DSE: variants seen among roughly 807,000 people sequenced by gnomAD.
The protein encoded by DSE is dermatan sulfate epimerase, also known as dermatan-sulfate epimerase.
Under a neutral mutation model 84.4 loss-of-function variants are expected in DSE, and 36 were observed. The ratio of observed to expected loss-of-function variants is 0.43; its 90% CI spans 0.33 to 0.56. The LOEUF is 0.56. DSE is among the 20% of genes least tolerant of loss of function. DSE has a pLI of 0.06. For missense variants in DSE, 862 were observed against 1,169.6 expected (o/e 0.74, Z 3.84); for synonymous variants, 410 against 430.1 (o/e 0.95, Z 0.58).
intron 2 of DSE, among the ~76,000 whole-genome samples, chr6:116,260,751 A>G (rs1173936338): frequency 2.0e-5 from 3 of 152,078 alleles, no homozygotes; most frequent in Non-Finnish European, 2.9e-5. Flanking sequence ...TCCTTTCCTC[A>G]TTGTTTGTTT....
At chr6:116,340,953 G>GT (rs1777554780) in intron 2 of DSE, among the ~76,000 whole-genome samples, 1 of 152,166 alleles carries the variant, frequency 6.6e-6, no homozygotes, top group Admixed American at 6.5e-5. Context: ...AAACATATGT[G>GT]TGCACGTGTC....
chr6:116,284,854 C>G (rs1441197167), intron 2 of DSE, among the ~76,000 whole-genome samples: 1 of 152,022 alleles, frequency 6.6e-6, no homozygotes, highest in Non-Finnish European at 1.5e-5. Flanking sequence ...TGACCTCATC[C>G]TTTTTTATGG....
intron 2 of DSE, among the ~76,000 whole-genome samples, chr6:116,262,092 G>A (rs938509423): frequency 1.3e-5 from 2 of 152,164 alleles, no homozygotes; most frequent in Non-Finnish European, 2.9e-5. Context: ...TTTGGCATCA[G>A]GATGATGTTG....
At chr6:116,413,390 T>C (rs1484043526) in intron 2 of DSE, among the ~76,000 whole-genome samples, 2 of 152,222 alleles carry the variant, frequency 1.3e-5, no homozygotes, top group East Asian at 3.8e-4. Flanking sequence ...CTACCCAATA[T>C]CCTTTCTTGG....
Position 116,431,332 on chromosome 6 carries a change from A to G in DSE, c.910+139A>G, listed in dbSNP as rs142921508. 120 of 1,249,128 alleles carry G rather than the reference A, an allele frequency of 9.6e-5. No homozygotes were observed. The East Asian group carries it at 3.1e-3, about 32-fold the overall frequency. 77.4% of individuals were successfully genotyped at this position (1,249,128 alleles called of 1,614,324 possible). A position where few individuals can be genotyped will look rare whatever the true frequency, so the allele number is the denominator to read the frequency against. On this transcript the variant is annotated intron_variant, in intron 4 of 5. Transcript: ENST00000644252. ...ATTAAATAGATTTTTTTAATCAAAG[A>G]AAAATTGAATTCAAGAGTTGCATAT...
intron 2 of DSE, among the ~76,000 whole-genome samples, chr6:116,343,022 C>T (rs1265565974): frequency 6.6e-6 from 1 of 152,128 alleles, no homozygotes; most frequent in African/African-American, 2.4e-5. Context: ...CCGAGGGTCC[C>T]ACGCCCACGG....
chr6:116,411,448 G>A (rs896682064), intron 2 of DSE, among the ~76,000 whole-genome samples: 1 of 152,216 alleles, frequency 6.6e-6, no homozygotes, highest in African/African-American at 2.4e-5. Context: ...ACTCTGGGAG[G>A]AGGGCATCAG....
intron 2 of DSE, among the ~76,000 whole-genome samples, chr6:116,295,307 G>A (rs186835235): frequency 8.5e-4 from 129 of 152,218 alleles, no homozygotes; most frequent in African/African-American, 2.9e-3. Context: ...AGGAAGGCTT[G>A]AATGTGGCTT....
intron 2 of DSE, among the ~76,000 whole-genome samples, chr6:116,341,488 C>T (rs928998375): frequency 9.2e-5 from 14 of 152,102 alleles, no homozygotes; most frequent in Non-Finnish European, 1.5e-4. Context: ...TTAATTAGAT[C>T]CCATTTGTCA....
At chr6:116,254,264 T>TA (rs1193110256) in exon 1 of DSE, 5 of 680,228 alleles carry the variant, frequency 7.4e-6, no homozygotes, top group South Asian at 1.5e-5. Flanking sequence ...GAGTTTTACT[T>TA]ACGTAAATGG....
At chr6:116,313,353 C>G (rs990590461) in intron 2 of DSE, among the ~76,000 whole-genome samples, 2 of 152,094 alleles carry the variant, frequency 1.3e-5, no homozygotes, top group African/African-American at 4.8e-5. Context: ...ATTATGGCAG[C>G]CTTAGGAAAC....
At chr6:116,322,246 G>A (rs1776372258) in intron 2 of DSE, among the ~76,000 whole-genome samples, 1 of 152,104 alleles carries the variant, frequency 6.6e-6, no homozygotes, top group South Asian at 2.1e-4. Context: ...ATTAGGTCGG[G>A]GTCGATCTTT....
rs560958026 is a variant in DSE at position 116,439,725 on chromosome 6, T to C, written c.*2380T>C. ...AATGTTTCAAGTTCATTTGATAATA[T>C]GTGAGCTGTTGTTCAGGGGATTGGC... On this transcript the variant is annotated 3_prime_UTR_variant, in exon 6 of 6. Transcript: ENST00000644252. 1 of 152,314 alleles carries C rather than the reference T, an allele frequency of 6.6e-6. No homozygotes were observed. Among genetic ancestry groups the C allele is most frequent in the African/African-American group, 2.4e-5 (1 of 41,574 alleles). The allele number at this position is 152,314 out of a possible 1,614,324, so 9.4% of individuals were successfully genotyped here. A position where few individuals can be genotyped will look rare whatever the true frequency, so the allele number is the denominator to read the frequency against.
At chr6:116,313,865 AGAGT>A (rs1775828285) in intron 2 of DSE, among the ~76,000 whole-genome samples, 1 of 152,240 alleles carries the variant, frequency 6.6e-6, no homozygotes, top group African/African-American at 2.4e-5. Flanking sequence ...AAATGTAACA[AGAGT>A]TTTAGGACTC....
At chr6:116,409,861 G>T (rs569917272) in intron 2 of DSE, among the ~76,000 whole-genome samples, 2 of 152,174 alleles carry the variant, frequency 1.3e-5, no homozygotes, top group Non-Finnish European at 2.9e-5. Context: ...AACCAGCCAC[G>T]TGAAGGGGAA....
In DSE at chr6:116,424,189, G is replaced by T. The variant is rs144795959; in HGVS notation, c.417-2385G>T. The stretch of plus-strand genomic sequence containing the variant: ...ACAAATGACCTGGCTTCCCTGCCTG[G>T]CCCACCAGTCACCATGAGTCAGTGA... On this transcript the variant is annotated intron_variant, in intron 2 of 5. Coordinates refer to ENST00000644252, the MANE Select transcript of DSE (RefSeq NM_013352.4). Among the ~76,000 whole-genome samples, 474 of 152,250 alleles carry T rather than the reference G, an allele frequency of 3.1e-3. 1 individual carries two copies. Among genetic ancestry groups the T allele is most frequent in the African/African-American group, 0.011 (446 of 41,542 alleles).
chr6:116,347,893 C>T (rs1778083516), intron 2 of DSE, among the ~76,000 whole-genome samples: 2 of 152,128 alleles, frequency 1.3e-5, no homozygotes, highest in Non-Finnish European at 2.9e-5. Flanking sequence ...ACAATCTACC[C>T]ATGTGACAAA....
At chr6:116,396,148 G>A (rs1164289557) in intron 1 of DSE, among the ~76,000 whole-genome samples, 1 of 152,150 alleles carries the variant, frequency 6.6e-6, no homozygotes, top group East Asian at 1.9e-4. Context: ...CTAAGCCCAG[G>A]GATTTGGTTC....
chr6:116,391,307 G>A (rs952014757), intron 1 of DSE, among the ~76,000 whole-genome samples: 4 of 152,078 alleles, frequency 2.6e-5, no homozygotes, highest in South Asian at 2.1e-4. Flanking sequence ...GGTGAACACC[G>A]TTATTATACA....
Sources: gnomAD v4.1 joint callset for allele counts (sites outside exome capture counted in the v4.1 genomes callset) on GRCh38, gnomAD v4.1.1 for gene constraint, MANE v1.5 for transcripts, NCBI Gene and HGNC (gene_info 2026-07-23, HGNC 2026-07-21) for gene names.